LRRTM4: variants seen among roughly 807,000 people sequenced by gnomAD.
LRRTM4 encodes leucine-rich repeat transmembrane neuronal protein 4.
LRRTM4 carries 25 observed loss-of-function variants against 47.6 expected under a neutral mutation model. The observed-to-expected ratio is 0.53, with a 90% CI of 0.38 to 0.73. The LOEUF (loss-of-function observed/expected upper bound fraction) is 0.73. LRRTM4 is among the 30% of genes least tolerant of loss of function. LRRTM4 has a pLI of 0.00. For missense variants in LRRTM4, 638 were observed against 713.4 expected, an observed-to-expected ratio of 0.89 and a Z score of 1.20; for synonymous variants, 311 against 269.5, an observed-to-expected ratio of 1.15 and a Z score of -1.51.
chr2:77,233,627 C>T (rs1467267925), intron 3 of LRRTM4, among the ~76,000 whole-genome samples: 5 of 152,106 alleles, frequency 3.3e-5, no homozygotes, highest in African/African-American at 1.2e-4. Flanking sequence ...CAGTGTTTTT[C>T]TCACTAATAA....
chr2:77,206,270 C>G (rs1194150648), intron 3 of LRRTM4, among the ~76,000 whole-genome samples: 3 of 151,300 alleles, frequency 2.0e-5, no homozygotes, highest in Non-Finnish European at 4.4e-5. Flanking sequence ...CCTCTGCGTC[C>G]TGGGTTCAAG....
At chr2:76,830,972 G>A (rs1046275252) in intron 3 of LRRTM4, among the ~76,000 whole-genome samples, 9 of 151,962 alleles carry the variant, frequency 5.9e-5, no homozygotes, top group African/African-American at 1.7e-4. Context: ...GGTTTTCTGT[G>A]GTTACAACTT....
At chr2:77,317,569 AT>A (rs1677653600) in intron 3 of LRRTM4, among the ~76,000 whole-genome samples, 1 of 152,136 alleles carries the variant, frequency 6.6e-6, no homozygotes, top group Non-Finnish European at 1.5e-5. Flanking sequence ...CTAAATAGAA[AT>A]TTTTCCCCCA....
intron 3 of LRRTM4, among the ~76,000 whole-genome samples, chr2:77,416,327 T>C (rs1316287692): frequency 6.6e-6 from 1 of 152,076 alleles, no homozygotes; most frequent in African/African-American, 2.4e-5. Flanking sequence ...CCTGATGTTA[T>C]TACACTTTGG....
At position 76,818,631 on chromosome 2, in the gene LRRTM4, T is replaced by C. The variant is rs540559857; in HGVS notation, c.1552-69715A>G. Among the ~76,000 whole-genome samples the C allele has an allele frequency of 5.3e-5, 8 of 151,910 alleles. No homozygotes were observed. In the South Asian group the frequency reaches 1.2e-3, roughly 24 times the overall value. ...AATTAATATTTAAGGTCAATATTAATTGACCAATTGTTTATCCAATCCAAT... is the reference window on the plus strand; with the variant it reads ...AATTAATATTTAAGGTCAATATTAACTGACCAATTGTTTATCCAATCCAAT... On this transcript the variant is annotated intron_variant, in intron 3 of 3. Coordinates refer to ENST00000409884, the MANE Select transcript of LRRTM4 (RefSeq NM_001134745.3).
At chr2:77,497,135 G>A (rs1467173350) in intron 3 of LRRTM4, among the ~76,000 whole-genome samples, 4 of 151,428 alleles carry the variant, frequency 2.6e-5, no homozygotes, top group Non-Finnish European at 5.9e-5. Flanking sequence ...TAGGATTTGT[G>A]GTGATCTTAC....
At chr2:76,900,298 G>T (rs1296692765) in intron 3 of LRRTM4, among the ~76,000 whole-genome samples, 1 of 151,538 alleles carries the variant, frequency 6.6e-6, no homozygotes, top group African/African-American at 2.4e-5. Context: ...GACGTATAGA[G>T]TGTGGGATAC....
chr2:77,205,984 C>T (rs769772096), intron 3 of LRRTM4, among the ~76,000 whole-genome samples: 1 of 151,522 alleles, frequency 6.6e-6, no homozygotes, highest in African/African-American at 2.4e-5. Context: ...TACAGACATG[C>T]ACCACCACCC....
chr2:76,989,765 A>G (rs920994889), intron 3 of LRRTM4: 2 of 151,820 alleles, frequency 1.3e-5, no homozygotes, highest in African/African-American at 4.8e-5. Flanking sequence ...CATTATCGTT[A>G]TTTTATAAAA....
chr2:76,795,962 C>T (rs1237352248), intron 3 of LRRTM4, among the ~76,000 whole-genome samples: 1 of 150,292 alleles, frequency 6.7e-6, no homozygotes, highest in Non-Finnish European at 1.5e-5. Flanking sequence ...GTGCGCGCAC[C>T]ATGTGCGAGC....
chr2:77,118,748 C>T (rs868669023), intron 3 of LRRTM4, among the ~76,000 whole-genome samples: 4 of 151,484 alleles, frequency 2.6e-5, no homozygotes, highest in East Asian at 1.9e-4. Context: ...TTTGAGAGCC[C>T]GAGACAAGTT....
chr2:77,424,490 A>G (rs1178068311), intron 3 of LRRTM4, among the ~76,000 whole-genome samples: 1 of 152,226 alleles, frequency 6.6e-6, no homozygotes, highest in Admixed American at 6.5e-5. Flanking sequence ...TGTTAATAAT[A>G]GACATGAAGT....
intron 3 of LRRTM4, among the ~76,000 whole-genome samples, chr2:77,023,882 C>A (rs987509584): frequency 4.6e-5 from 7 of 152,118 alleles, no homozygotes; most frequent in Admixed American, 2.0e-4. Flanking sequence ...CAGCAATGCC[C>A]CACTCTAGTG....
intron 3 of LRRTM4, among the ~76,000 whole-genome samples, chr2:77,169,435 A>G (rs779709924): frequency 6.6e-6 from 1 of 152,022 alleles, no homozygotes; most frequent in Non-Finnish European, 1.5e-5. Flanking sequence ...ACTTCCTGCT[A>G]TGGTTTGAAT....
intron 3 of LRRTM4, among the ~76,000 whole-genome samples, chr2:77,404,326 C>T (rs973284240): frequency 6.6e-6 from 1 of 151,898 alleles, no homozygotes; most frequent in African/African-American, 2.4e-5. Context: ...TCTAATTTTC[C>T]CATCATCTTT....
chr2:77,264,405 C>G (rs1675998213), intron 3 of LRRTM4, among the ~76,000 whole-genome samples: 2 of 152,176 alleles, frequency 1.3e-5, no homozygotes, highest in South Asian at 2.1e-4. Context: ...ATTACCCTAT[C>G]AGATCCATAC....
chr2:77,183,623 C>T (rs916238821), intron 3 of LRRTM4, among the ~76,000 whole-genome samples: 1 of 152,172 alleles, frequency 6.6e-6, no homozygotes, highest in Non-Finnish European at 1.5e-5. Flanking sequence ...TATAAAGATA[C>T]ATGCACACGT....
intron 3 of LRRTM4, among the ~76,000 whole-genome samples, chr2:77,484,827 A>G (rs952134563): frequency 7.9e-5 from 12 of 152,174 alleles, no homozygotes; most frequent in African/African-American, 2.9e-4. Flanking sequence ...GTTAATAAAG[A>G]ACAATGCTGC....
At chr2:77,409,752 G>A (rs1200037028) in intron 3 of LRRTM4, among the ~76,000 whole-genome samples, 1 of 152,056 alleles carries the variant, frequency 6.6e-6, no homozygotes, top group Non-Finnish European at 1.5e-5. Context: ...TAGTTTTACT[G>A]GCCTTAAGTT....
Sources: gnomAD v4.1 joint callset for allele counts (sites outside exome capture counted in the v4.1 genomes callset) on GRCh38, gnomAD v4.1.1 for gene constraint, MANE v1.5 for transcripts, NCBI Gene and HGNC (gene_info 2026-07-23, HGNC 2026-07-21) for gene names.